Variants in EHBP1 observed in about 807,000 individuals in gnomAD.
EHBP1 encodes EH domain-binding protein 1.
In EHBP1, 55 loss-of-function variants were observed where a neutral mutation model predicts 144.0. That is an observed-to-expected ratio of 0.38 (90% CI 0.31 to 0.48). The LOEUF (loss-of-function observed/expected upper bound fraction) is 0.48. Ranked by LOEUF, EHBP1 falls within the 20% of genes least tolerant of loss-of-function variation. The pLI, the probability that EHBP1 is intolerant of heterozygous loss-of-function variation, is 0.98. For synonymous variants in EHBP1, 469 were observed against 472.7 expected (o/e 0.99, Z 0.10); for missense variants, 1,200 against 1,364.2 (o/e 0.88, Z 1.90).
At chr2:62,938,936 A>T (rs944157919) in intron 10 of EHBP1, among the ~76,000 whole-genome samples, 1 of 152,218 alleles carries the variant, frequency 6.6e-6, no homozygotes, top group Non-Finnish European at 1.5e-5. Context: ...GGTGGTGGTA[A>T]TAATAATTGC....
rs567771741 is a variant in EHBP1, at chr2:63,014,443, A to C, written c.3103+17677A>C. On this transcript the variant is annotated intron_variant, in intron 19 of 22. Coordinates refer to ENST00000431489, the MANE Select transcript of EHBP1 (RefSeq NM_001142616.3). The stretch of plus-strand genomic sequence containing the variant: ...GGCATATTACATACTTGTTTAGGGC[A>C]TAAATAACAACATAAATTTAAGATT... Among the ~76,000 whole-genome samples the C allele has an allele frequency of 2.6e-5, 4 of 152,372 alleles. No individual in the cohort carries two copies. In the East Asian group the frequency reaches 7.7e-4, roughly 29 times the overall value.
At chr2:62,681,700 A>G (rs1409846957) in intron 1 of EHBP1, among the ~76,000 whole-genome samples, 2 of 152,062 alleles carry the variant, frequency 1.3e-5, no homozygotes, top group Admixed American at 1.3e-4. Context: ...GGAAGGAAAT[A>G]ATGTAGCTTC....
intron 3 of EHBP1, among the ~76,000 whole-genome samples, chr2:62,763,726 A>C (rs2040945969): frequency 6.6e-6 from 1 of 152,180 alleles, no homozygotes; most frequent in African/African-American, 2.4e-5. Context: ...CAAGGAAAAA[A>C]ATACCTATAA....
intron 19 of EHBP1, among the ~76,000 whole-genome samples, chr2:62,999,742 G>A (rs970490185): frequency 6.6e-6 from 1 of 151,934 alleles, no homozygotes; most frequent in Admixed American, 6.6e-5. Context: ...TGGATATTTG[G>A]GTTGTTTCCA....
intron 7 of EHBP1, among the ~76,000 whole-genome samples, chr2:62,851,058 A>G (rs2048663581): frequency 6.6e-6 from 1 of 152,186 alleles, no homozygotes; most frequent in African/African-American, 2.4e-5. Context: ...ATGCCAAATT[A>G]ATCATCAAAT....
In EHBP1 at chr2:62,740,839, T is replaced by C. The variant is rs537813402; in HGVS notation, c.105-6556T>C. 3.3e-5 allele frequency among the ~76,000 whole-genome samples: 5 copies of C among 152,266 alleles called. No individual in the cohort carries two copies. The South Asian group carries it at 1.0e-3, about 32-fold the overall frequency. On this transcript the variant is annotated intron_variant, in intron 2 of 22. Transcript: ENST00000431489. The stretch of plus-strand genomic sequence containing the variant: ...TTTTGACATAGTGATTTCCTACAAA[T>C]GAAAACTGATAGGACATAAAAAGGA...
At chr2:62,962,445 A>G (rs949932299) in intron 14 of EHBP1, among the ~76,000 whole-genome samples, 3 of 152,230 alleles carry the variant, frequency 2.0e-5, no homozygotes, top group African/African-American at 7.2e-5. Flanking sequence ...ATTACATTTA[A>G]TGATACTTAT....
chr2:62,946,297 T>C (rs904698283), intron 12 of EHBP1, among the ~76,000 whole-genome samples: 4 of 152,224 alleles, frequency 2.6e-5, no homozygotes, highest in Non-Finnish European at 5.9e-5. Flanking sequence ...ATTTACATAT[T>C]ACTCCATACA....
At chr2:62,925,156 A>G (rs1285177623) in intron 10 of EHBP1, among the ~76,000 whole-genome samples, 2 of 152,226 alleles carry the variant, frequency 1.3e-5, no homozygotes, top group Non-Finnish European at 2.9e-5. Flanking sequence ...ATAAAATTTG[A>G]CATTGTTCAT....
intron 19 of EHBP1, among the ~76,000 whole-genome samples, chr2:63,011,973 A>G (rs532926349): frequency 3.9e-5 from 6 of 152,080 alleles, no homozygotes; most frequent in Admixed American, 6.6e-5. Context: ...GTCAAGTTTC[A>G]AGTTCTAACA....
At chr2:63,042,195 G>A (rs1262494091) in intron 21 of EHBP1, among the ~76,000 whole-genome samples, 1 of 152,054 alleles carries the variant, frequency 6.6e-6, no homozygotes, top group Admixed American at 6.5e-5. Flanking sequence ...AGTGCAGTTA[G>A]GCTTGAACAT....
chr2:62,912,096 ATGTT>A (rs932433278), intron 10 of EHBP1, among the ~76,000 whole-genome samples: 2 of 152,132 alleles, frequency 1.3e-5, no homozygotes, highest in African/African-American at 4.8e-5. Flanking sequence ...TAGATTATGT[ATGTT>A]AAAGGAGTTG....
intron 12 of EHBP1, among the ~76,000 whole-genome samples, chr2:62,945,937 T>C (rs1487893522): frequency 6.6e-6 from 1 of 152,212 alleles, no homozygotes; most frequent in Non-Finnish European, 1.5e-5. Flanking sequence ...TAAACTGTTC[T>C]CATGAATTAA....
chr2:62,802,045 C>A (rs1056819979), intron 5 of EHBP1, among the ~76,000 whole-genome samples: 2 of 152,196 alleles, frequency 1.3e-5, no homozygotes, highest in African/African-American at 4.8e-5. Context: ...AACTGTTTAA[C>A]CACTCTGAAC....
chr2:62,880,831 G>T (rs192629400), intron 10 of EHBP1, among the ~76,000 whole-genome samples: 342 of 152,202 alleles, frequency 2.2e-3, no homozygotes, highest in African/African-American at 7.7e-3. Flanking sequence ...CAGCCACTAT[G>T]GAAAACAGTT....
At chr2:63,006,507 A>G (rs970744247) in intron 19 of EHBP1, among the ~76,000 whole-genome samples, 1 of 151,954 alleles carries the variant, frequency 6.6e-6, no homozygotes, top group African/African-American at 2.4e-5. Flanking sequence ...CAATGAAAAC[A>G]GTACTGACAG....
At chr2:62,769,840 A>G (rs1384836210) in intron 4 of EHBP1, among the ~76,000 whole-genome samples, 1 of 151,658 alleles carries the variant, frequency 6.6e-6, no homozygotes, top group Non-Finnish European at 1.5e-5. Flanking sequence ...CTAATGGAAC[A>G]GAATAGATAA....
intron 15 of EHBP1, among the ~76,000 whole-genome samples, chr2:62,980,173 A>C (rs1441792000): frequency 6.6e-6 from 1 of 152,196 alleles, no homozygotes; most frequent in African/African-American, 2.4e-5. Context: ...TATGGAAGAC[A>C]GTTTTTCCAC....
At position 63,045,500 on chromosome 2, in the gene EHBP1, G is replaced by A; in HGVS notation, c.3483G>A (p.Ter1161=). The change falls in exon 23 of 23, where the codon TAG becomes TAA. Residue 1161 remains the stop codon, a stop_retained_variant. Transcript: ENST00000431489. This position sits in a 1 kb window ranked among gnomAD's most constrained non-coding sequence, Gnocchi z 5.7. ...AAGAGGAGAAATGTGTTCTTCAGTAGCCATCAGATCAGAAAGAATCTCTCC... is the reference window on the plus strand; with the variant it reads ...AAGAGGAGAAATGTGTTCTTCAGTAACCATCAGATCAGAAAGAATCTCTCC... ...AKKEEKCVLQ[*] is the part of the protein sequence containing the mutation. The A allele has an allele frequency of 1.9e-6, 3 of 1,611,256 alleles. No individual in the cohort carries two copies. Among genetic ancestry groups the A allele is most frequent in the Non-Finnish European group, 2.5e-6 (3 of 1,177,986 alleles).
Sources: allele counts gnomAD v4.1 joint callset (sites outside exome capture counted in the v4.1 genomes callset), GRCh38; gene constraint gnomAD v4.1.1; non-coding constraint Gnocchi (gnomAD v3.1); transcripts MANE v1.5; gene names NCBI Gene and HGNC (gene_info 2026-07-23, HGNC 2026-07-21).